The following DNAAF5 variants were observed in gnomAD, a reference collection of about 807,000 sequenced individuals.
DNAAF5 encodes dynein axonemal assembly factor 5, also known as HEAT repeat containing 2.
Under a neutral mutation model 75.8 loss-of-function variants are expected in DNAAF5, and 64 were observed. The ratio of observed to expected loss-of-function variants is 0.84; its 90% CI spans 0.69 to 1.04. DNAAF5 has a LOEUF of 1.04. Among genes scored for constraint, DNAAF5 ranks in the 50% least tolerant of loss-of-function variants. The pLI, the probability that DNAAF5 is intolerant of heterozygous loss-of-function variation, is 0.00. For synonymous variants in DNAAF5, 657 were observed against 557.2 expected (o/e 1.18, Z -2.52); for missense variants, 1,269 against 1,178.5 (o/e 1.08, Z -1.12).
intron 8 of DNAAF5, among the ~76,000 whole-genome samples, chr7:765,650 G>A (rs1782796922): frequency 6.6e-6 from 1 of 152,232 alleles, no homozygotes; most frequent in Non-Finnish European, 1.5e-5. Context: ...AAGGCAGGAA[G>A]ACTGCAGTAT....
chr7:767,238 CAAAAA>C (rs936022330), intron 8 of DNAAF5, among the ~76,000 whole-genome samples: 1 of 66,404 alleles, frequency 1.5e-5, no homozygotes, highest in Non-Finnish European at 3.2e-5. Flanking sequence ...GACTCGGTCT[CAAAAA>C]AAAAAAAAAA....
At chr7:779,108 G>A (rs555364086) in intron 11 of DNAAF5, among the ~76,000 whole-genome samples, 1 of 152,260 alleles carries the variant, frequency 6.6e-6, no homozygotes, top group Admixed American at 6.5e-5. Flanking sequence ...CCTGAACTTT[G>A]GATGTTTTTC....
Position 754,068 on chromosome 7 carries a change from GTC to G in DNAAF5, c.1025-515_1025-514del, listed in dbSNP as rs1480158368. On this transcript the variant is annotated intron_variant, in intron 4 of 12. Transcript: ENST00000297440. This position sits in a 1 kb window ranked among gnomAD's most constrained non-coding sequence, Gnocchi z 4.8. ...TATGGCGATGGCTTCGCAGGCGTGT[GTC>G]TCTCTGATCATAGGGGGACGGCTTC... 3.3e-5 allele frequency among the ~76,000 whole-genome samples: 5 copies of G among 150,590 alleles called. No individual in the cohort carries two copies. Among genetic ancestry groups the G allele is most frequent in the East Asian group, 2.0e-4 (1 of 5,092 alleles).
intron 3 of DNAAF5, 24 bp from the exon 4 acceptor site, chr7:741,323 T>G (rs1431421740): frequency 6.4e-7 from 1 of 1,559,376 alleles, no homozygotes. Flanking sequence ...CCTGAGCCAC[T>G]GTTGTCTGTC....
At chr7:755,368 TCTC>T (rs879556807) in intron 5 of DNAAF5, among the ~76,000 whole-genome samples, 1 of 152,082 alleles carries the variant, frequency 6.6e-6, no homozygotes, top group African/African-American at 2.4e-5. Context: ...TGCTCAGGCC[TCTC>T]CTCCTCACTA....
intron 12 of DNAAF5, among the ~76,000 whole-genome samples, chr7:784,377 T>C (rs1382930484): frequency 6.6e-6 from 1 of 152,170 alleles, no homozygotes; most frequent in Non-Finnish European, 1.5e-5. Context: ...CCTGCCGGGT[T>C]CCGCCACCCT....
At position 727,019 on chromosome 7, in the gene DNAAF5, T is replaced by G; in HGVS notation, c.299T>G (p.Leu100Arg). Residue 100 changes from leucine to arginine, a missense_variant, in exon 1 of 13, where the codon CTG (leucine) becomes CGG (arginine). Physicochemically the swap from Leu to Arg is moderately radical, Grantham distance 102. Coordinates refer to ENST00000297440, the MANE Select transcript of DNAAF5 (RefSeq NM_017802.4). ...TGCCGCGCGCTGGCAGTGCACCTGC[T>G]GGATCTGGGCCTGCGCCGCGCCGCG... ...EGCRALAVHL[L>R]DLGLRRAARP... 1 of 1,211,956 alleles carries G rather than the reference T, an allele frequency of 8.3e-7. No homozygotes were observed. Among genetic ancestry groups the G allele is most frequent in the Non-Finnish European group, 1.0e-6 (1 of 972,132 alleles). 75.1% of individuals were successfully genotyped at this position (1,211,956 alleles called of 1,614,324 possible).
chr7:785,605 C>G lies in DNAAF5; in HGVS notation c.2520C>G (p.Tyr840Ter). The G allele has an allele frequency of 6.2e-7, 1 of 1,613,206 alleles. No homozygotes were observed. Among genetic ancestry groups the G allele is most frequent in the Non-Finnish European group, 8.5e-7 (1 of 1,180,028 alleles). ...AVIHKHRSATYCEQLLQHVQA... is the reference protein window; with the variant it reads ...AVIHKHRSAT ...TCCACAAGCACCGCTCGGCCACCTACTGCGAGCAGCTCCTGCAGCATGTGC... is the reference window on the plus strand; with the variant it reads ...TCCACAAGCACCGCTCGGCCACCTAGTGCGAGCAGCTCCTGCAGCATGTGC... Residue 840 changes from tyrosine to a stop codon, truncating the protein, a stop_gained, in exon 13 of 13, where the codon TAC becomes TAG. Coordinates refer to ENST00000297440, the MANE Select transcript of DNAAF5 (RefSeq NM_017802.4). LOFTEE classifies it high-confidence loss of function.
In DNAAF5 at chr7:774,136, C is replaced by A; in HGVS notation, c.2020C>A (p.Arg674Ser). ...WHAGRTAAAI[R>S]TAAVSCLWAL... ...TGCGGGGAGGACAGCCGCGGCCATC[C>A]GCACGGCTGCCGTGTCCTGCCTCTG... The change falls in exon 10 of 13, where the codon CGC (arginine) becomes AGC (serine). Residue 674 changes from arginine (R) to serine (S), a missense_variant. Coordinates refer to ENST00000297440, the MANE Select transcript of DNAAF5 (RefSeq NM_017802.4). 6.2e-7 allele frequency: 1 copy of A among 1,612,386 alleles called. No homozygotes were observed. Among genetic ancestry groups the A allele is most frequent in the Non-Finnish European group, 8.5e-7 (1 of 1,179,934 alleles).
intron 7 of DNAAF5, 146 bp downstream of exon 7, chr7:762,042 C>T (rs1048798034): frequency 3.3e-5 from 13 of 397,834 alleles, no homozygotes; most frequent in East Asian, 3.2e-4. Flanking sequence ...GGTGAGTCCC[C>T]GGGCAACGGC....
At position 733,550 on chromosome 7, in the gene DNAAF5, G is replaced by T. The variant is rs552897011; in HGVS notation, c.780+3703G>T. Among the ~76,000 whole-genome samples the T allele has an allele frequency of 1.5e-3, 225 of 152,258 alleles. 2 individuals carry two copies. Among genetic ancestry groups the T allele is most frequent in the Non-Finnish European group, 1.9e-3 (130 of 68,022 alleles). Reference sequence around the variant, plus strand: ...CTCGCTCTGTCATCCAGGGTGGAGTGCAGTGGTGCGATCTCTGCTTACTGC... The same window carrying T: ...CTCGCTCTGTCATCCAGGGTGGAGTTCAGTGGTGCGATCTCTGCTTACTGC... On this transcript the variant is annotated intron_variant, in intron 2 of 12. Coordinates refer to ENST00000297440, the MANE Select transcript of DNAAF5 (RefSeq NM_017802.4).
At chr7:741,532 A>G in intron 4 of DNAAF5, 67 bp downstream of exon 4, 1 of 951,560 alleles carries the variant, frequency 1.1e-6, no homozygotes, top group Non-Finnish European at 1.6e-6. Flanking sequence ...GGGGCTTCTG[A>G]GCCTGAAGGA....
At chr7:783,907 G>A (rs1178332345) in intron 12 of DNAAF5, among the ~76,000 whole-genome samples, 3 of 152,070 alleles carry the variant, frequency 2.0e-5, no homozygotes, top group Non-Finnish European at 1.5e-5. Flanking sequence ...CTGCAGCCCC[G>A]GCCCTCTCGC....
In DNAAF5 at chr7:785,771, TA is replaced by T; in HGVS notation, c.*119del. On this transcript the variant is annotated 3_prime_UTR_variant, in exon 13 of 13. Transcript: ENST00000297440. ...CAGTGAGACTGTGACAGCAAGAATG[TA>T]CTCCTCAGGACACCTGCCCACTCTT... The T allele has an allele frequency of 1.7e-6, 2 of 1,211,736 alleles. No individual in the cohort carries two copies. The highest frequency in any genetic ancestry group is 1.1e-6 in the Non-Finnish European group (1 of 876,060). The allele number at this position is 1,211,736 out of a possible 1,614,324, so 75.1% of individuals were successfully genotyped here.
At chr7:728,279 T>A (rs1781433138) in intron 1 of DNAAF5, among the ~76,000 whole-genome samples, 1 of 152,164 alleles carries the variant, frequency 6.6e-6, no homozygotes, top group Non-Finnish European at 1.5e-5. Context: ...ACTGATGCTA[T>A]AAATCCGTGG....
At chr7:756,471 G>T (rs545882768) in intron 5 of DNAAF5, among the ~76,000 whole-genome samples, 3 of 152,210 alleles carry the variant, frequency 2.0e-5, no homozygotes, top group Non-Finnish European at 4.4e-5. Context: ...CTTAGTGATG[G>T]GAAGGTTGGG....
At chr7:759,830 T>C (rs753028940) in intron 6 of DNAAF5, among the ~76,000 whole-genome samples, 4 of 152,202 alleles carry the variant, frequency 2.6e-5, no homozygotes, top group Non-Finnish European at 4.4e-5. Flanking sequence ...GGGCTGTGTC[T>C]TCTAAACGCA....
intron 4 of DNAAF5, among the ~76,000 whole-genome samples, chr7:746,002 ACAGT>A (rs774615457): frequency 6.6e-4 from 101 of 152,352 alleles, no homozygotes; most frequent in Middle Eastern, 3.4e-3. Flanking sequence ...GAATTGAATG[ACAGT>A]CAGTCAGTCG....
At chr7:744,634 C>G (rs1782024954) in intron 4 of DNAAF5, among the ~76,000 whole-genome samples, 1 of 152,172 alleles carries the variant, frequency 6.6e-6, no homozygotes, top group South Asian at 2.1e-4. Context: ...GAATGGCAAT[C>G]ATTAAAAAGT....
Sources: allele counts gnomAD v4.1 joint callset (sites outside exome capture counted in the v4.1 genomes callset), GRCh38; gene constraint gnomAD v4.1.1; non-coding constraint Gnocchi (gnomAD v3.1); transcripts MANE v1.5; gene names NCBI Gene and HGNC (gene_info 2026-07-23, HGNC 2026-07-21).